The following ASB10 variants were observed in gnomAD, a reference collection of about 807,000 sequenced individuals.
ASB10 encodes the protein ankyrin repeat and SOCS box protein 10.
ASB10 carries 44 observed loss-of-function variants against 35.4 expected under a neutral mutation model. That is an observed-to-expected ratio of 1.24 (90% CI 0.98 to 1.60). ASB10 has a LOEUF of 1.60. Among genes scored for constraint, ASB10 ranks in the 40% most tolerant of loss-of-function variants. The pLI is 0.00. For missense variants in ASB10, 647 were observed against 634.3 expected (o/e 1.02, Z -0.22); for synonymous variants, 294 against 280.4 (o/e 1.05, Z -0.49).
At chr7:151,186,207 C>T (rs986510607) in intron 2 of ASB10, among the ~76,000 whole-genome samples, 185 bp downstream of exon 2, 2 of 152,206 alleles carry the variant, frequency 1.3e-5, no homozygotes, top group Admixed American at 1.3e-4. Context: ...TGTCCAAAGT[C>T]CAGGCCACTC....
chr7:151,176,597 T>A lies in ASB10; in HGVS notation c.1184A>T (p.Glu395Val). Residue 395 changes from glutamate (E) to valine (V), a missense_variant, in exon 4 of 6, where the codon GAG becomes GTG. Coordinates refer to ENST00000420175, the MANE Select transcript of ASB10 (RefSeq NM_001142459.2). ...TTCAGGAGTCACCAGGCCGACGGCC[T>A]CCTCGGGAAGCTGCACAACACTGTA... ...NTYSVVQLPE[E>V]AVGLVTPETL... The A allele has an allele frequency of 6.4e-7, 1 of 1,551,362 alleles. No homozygotes were observed. The highest frequency in any genetic ancestry group is 8.7e-7 in the Non-Finnish European group (1 of 1,146,948).
In ASB10 at chr7:151,186,406, C is replaced by T; in HGVS notation, c.570G>A (p.Gly190=). 3 of 1,586,158 alleles carry T rather than the reference C, an allele frequency of 1.9e-6. No homozygotes were observed. The highest frequency in any genetic ancestry group is 8.6e-7 in the Non-Finnish European group (1 of 1,166,588). ...GGGTCACTCACTCAAGGGTGCCAGG[C>T]CCCCGGCAGAGATGCAGGGGGCGTT... ...DGKRPLHLCR[G]PGTLECAELL... The change falls in exon 2 of 6, where the codon GGG becomes GGA. Residue 190 remains glycine, a synonymous_variant. Coordinates refer to ENST00000420175, the MANE Select transcript of ASB10 (RefSeq NM_001142459.2).
chr7:151,178,216 G>A (rs997808638), intron 3 of ASB10, among the ~76,000 whole-genome samples: 7 of 152,226 alleles, frequency 4.6e-5, no homozygotes, highest in Admixed American at 2.0e-4. Flanking sequence ...GCCACGGCAC[G>A]TGTGGGCGAC....
At position 151,181,297 on chromosome 7, in the gene ASB10, C is replaced by T. The variant is rs775632000; in HGVS notation, c.746G>A (p.Trp249Ter). The T allele has an allele frequency of 6.2e-7, 1 of 1,613,226 alleles. No individual in the cohort carries two copies. Among genetic ancestry groups the T allele is most frequent in the Non-Finnish European group, 8.5e-7 (1 of 1,180,020 alleles). Reference sequence around the variant, plus strand: ...GTCACAGGCAGCCAGCAGTGGGGTCCAGCCTTCGGCATTGCGGGCATCAGG... The same window carrying T: ...GTCACAGGCAGCCAGCAGTGGGGTCTAGCCTTCGGCATTGCGGGCATCAGG... ...ACPDARNAEG[W>*]TPLLAACDVR... Residue 249 changes from tryptophan to a stop codon, truncating the protein, a stop_gained, in exon 3 of 6, where the codon TGG (tryptophan) becomes TAG (stop). Coordinates refer to ENST00000420175, the MANE Select transcript of ASB10 (RefSeq NM_001142459.2). LOFTEE classifies it high-confidence loss of function.
At position 151,181,062 on chromosome 7, in the gene ASB10, T is replaced by C. The variant is rs770511267; in HGVS notation, c.981A>G (p.Gly327=). Residue 327 remains glycine (G), a synonymous_variant, in exon 3 of 6, where the codon GGA becomes GGG. Coordinates refer to ENST00000420175, the MANE Select transcript of ASB10 (RefSeq NM_001142459.2). The part of the protein sequence containing the change: ...GVSANTMDYG[G]HTPLHCALQG... The stretch of plus-strand genomic sequence containing the variant: ...GCAGAGCACAGTGCAGGGGCGTGTG[T>C]CCCCCATAGTCCATGGTGTTGGCGC... 1 of 1,612,348 alleles carries C rather than the reference T, an allele frequency of 6.2e-7. No individual in the cohort carries two copies. The highest frequency in any genetic ancestry group is 1.7e-5 in the Admixed American group (1 of 60,008).
At chr7:151,176,791 TC>T in intron 3 of ASB10, 115 bp from the exon 4 acceptor site, 1 of 716,398 alleles carries the variant, frequency 1.4e-6, no homozygotes, top group Non-Finnish European at 2.4e-6. Flanking sequence ...TGAAGACCTA[TC>T]CCCCTGTACC....
intron 3 of ASB10, among the ~76,000 whole-genome samples, chr7:151,177,369 A>G (rs961106089): frequency 6.6e-6 from 1 of 152,260 alleles, no homozygotes. Context: ...AGAGAAGTTA[A>G]TTAACTTGCC....
intron 2 of ASB10, among the ~76,000 whole-genome samples, chr7:151,183,035 T>C (rs1483264560): frequency 6.6e-6 from 1 of 152,222 alleles, no homozygotes; most frequent in Non-Finnish European, 1.5e-5. Flanking sequence ...TGTGGGATTA[T>C]GTGGAACCTC....
At chr7:151,187,552 C>T (rs555274807), upstream of ASB10, 641 of 1,551,536 alleles carry the variant, frequency 4.1e-4, 1 homozygote, top group African/African-American at 6.6e-3. This position sits in a 1 kb window ranked among gnomAD's most constrained non-coding sequence, Gnocchi z 5.3. Flanking sequence ...TTGCCAGGTC[C>T]CCGGTGTAGA....
rs372568426 is a variant in ASB10 at position 151,181,349 on chromosome 7, C to T, written c.694G>A (p.Asp232Asn). The change falls in exon 3 of 6, where the codon GAT becomes AAT. Residue 232 changes from aspartate to asparagine, a missense_variant. Asp to Asn is a conservative substitution (Grantham distance 23, BLOSUM62 1). Transcript: ENST00000420175. ...CATGCCCCCCGTCTTAGAAGCAGAT[C>T]TGCCAGCTCCACATGGCCAAGCCGG... ...AARLGHVELA[D>N]LLLRRGACPD... is the part of the protein sequence containing the mutation. 6.2e-7 allele frequency: 1 copy of T among 1,613,236 alleles called. No individual in the cohort carries two copies. Among genetic ancestry groups the T allele is most frequent in the Admixed American group, 1.7e-5 (1 of 60,028 alleles).
Position 151,176,205 on chromosome 7 carries a change from C to T in ASB10, c.1311G>A (p.Leu437=), listed in dbSNP as rs1335365026. Residue 437 remains leucine, a synonymous_variant, in exon 5 of 6, where the codon CTG becomes CTA. Transcript: ENST00000420175. ...GCAGCGCTTGGGGCAGGCTGCCCTC[C>T]AGGTGGGAGCGGAGCGCACAGCGGC... ...HLSRCALRSH[L]EGSLPQALPR... 1 of 1,609,772 alleles carries T rather than the reference C, an allele frequency of 6.2e-7. No homozygotes were observed. Among genetic ancestry groups the T allele is most frequent in the Non-Finnish European group, 8.5e-7 (1 of 1,178,856 alleles).
upstream of ASB10, chr7:151,187,712 C>T: frequency 6.8e-7 from 1 of 1,471,874 alleles, no homozygotes; most frequent in South Asian, 1.4e-5. The surrounding 1 kb of genome is among the most constrained non-coding windows in gnomAD (Gnocchi z 5.3). Context: ...GGAGTTCTTT[C>T]CCCAGGGCAT....
chr7:151,176,015 G>C (rs1801378363), intron 5 of ASB10, 49 bp from the exon 6 acceptor site: 2 of 1,405,938 alleles, frequency 1.4e-6, no homozygotes, highest in Non-Finnish European at 1.9e-6. Context: ...TCGGGGACGG[G>C]CCGGTTCTGG....
chr7:151,183,173 T>C (rs1385034470), intron 2 of ASB10, among the ~76,000 whole-genome samples: 1 of 152,160 alleles, frequency 6.6e-6, no homozygotes, highest in African/African-American at 2.4e-5. Flanking sequence ...CAGAGCTGGC[T>C]AGGTGCAGTG....
intron 2 of ASB10, among the ~76,000 whole-genome samples, chr7:151,184,306 G>T (rs549021328): frequency 6.6e-6 from 1 of 151,994 alleles, no homozygotes; most frequent in Non-Finnish European, 1.5e-5. Context: ...CCAGCTACTC[G>T]GGAGGCTGAG....
rs376305207 is a variant in ASB10, at chr7:151,186,464, C to T, written c.512G>A (p.Gly171Glu). The T allele has an allele frequency of 2.5e-6, 4 of 1,595,474 alleles. No homozygotes were observed. The African/African-American group carries it at 4.0e-5, about 16-fold the overall frequency. Residue 171 changes from glycine to glutamate, a missense_variant, in exon 2 of 6, where the codon GGA (glycine) becomes GAA (glutamate). Transcript: ENST00000420175. ...TACVHVLLVAGADPNIADQDG... is the reference protein window; with the variant it reads ...TACVHVLLVAEADPNIADQDG... ...CTGGTCAGCGATGTTGGGGTCGGCTCCTGCCACCAGCAGCACATGAACACA... is the reference window on the plus strand; with the variant it reads ...CTGGTCAGCGATGTTGGGGTCGGCTTCTGCCACCAGCAGCACATGAACACA...
At chr7:151,183,980 G>T (rs918698093) in intron 2 of ASB10, among the ~76,000 whole-genome samples, 7 of 152,172 alleles carry the variant, frequency 4.6e-5, no homozygotes, top group Non-Finnish European at 2.9e-5. Context: ...AAAGATATTT[G>T]TACCCACATG....
At chr7:151,179,242 A>C (rs1801444481) in intron 3 of ASB10, among the ~76,000 whole-genome samples, 1 of 152,234 alleles carries the variant, frequency 6.6e-6, no homozygotes, top group African/African-American at 2.4e-5. Flanking sequence ...TACAGATGAC[A>C]AAACTGAGGC....
upstream of ASB10, chr7:151,187,423 G>GT (rs1480359539): frequency 6.4e-7 from 1 of 1,550,960 alleles, no homozygotes. The surrounding 1 kb of genome is among the most constrained non-coding windows in gnomAD (Gnocchi z 5.3). Context: ...CAGCCCCCTG[G>GT]TTCTCAGCAA....
Sources: gnomAD v4.1 joint callset for allele counts (sites outside exome capture counted in the v4.1 genomes callset) on GRCh38, gnomAD v4.1.1 for gene constraint, Gnocchi (gnomAD v3.1) non-coding constraint, MANE v1.5 for transcripts, NCBI Gene and HGNC (gene_info 2026-07-23, HGNC 2026-07-21) for gene names.